SMIM22: variants seen among roughly 807,000 people sequenced by gnomAD.
SMIM22 encodes the protein small integral membrane protein 22, also known as cancer associated small integral membrane open reading frame 1.
SMIM22 carries 16 observed loss-of-function variants against 8.4 expected under a neutral mutation model. The observed-to-expected ratio is 1.90, with a 90% CI of 1.29 to 2.89. The LOEUF (loss-of-function observed/expected upper bound fraction) is 2.89. Among genes scored for constraint, SMIM22 ranks in the 30% most tolerant of loss-of-function variants. SMIM22 has a pLI of 0.00. For missense variants in SMIM22, 159 were observed against 107.5 expected (o/e 1.48, Z -2.12); for synonymous variants, 67 against 47.6 (o/e 1.41, Z -1.68).
upstream of SMIM22, among the ~76,000 whole-genome samples, chr16:4,791,429 A>T (rs1283601469): frequency 1.3e-5 from 2 of 152,110 alleles, no homozygotes; most frequent in Admixed American, 1.3e-4. Context: ...TCATGCTTCG[A>T]CGGCTCTGAC....
upstream of SMIM22, among the ~76,000 whole-genome samples, chr16:4,793,162 G>C (rs556964078): frequency 6.6e-5 from 10 of 150,820 alleles, no homozygotes; most frequent in African/African-American, 2.4e-4. Context: ...CAGAGGAGGA[G>C]ACGTGAGCCT....
intron 2 of SMIM22, among the ~76,000 whole-genome samples, chr16:4,790,351 C>A (rs751630839): frequency 1.5e-4 from 23 of 152,274 alleles, no homozygotes; most frequent in Middle Eastern, 3.4e-3. Context: ...TAAGTAAAAC[C>A]GTATTCACAG....
chr16:4,790,491 C>A (rs1269804533), upstream of SMIM22, among the ~76,000 whole-genome samples: 1 of 152,146 alleles, frequency 6.6e-6, no homozygotes, highest in African/African-American at 2.4e-5. Context: ...ACCTTAAAGG[C>A]TTAGAGGCTA....
upstream of SMIM22, among the ~76,000 whole-genome samples, chr16:4,791,980 C>T (rs2082557754): frequency 6.6e-6 from 1 of 152,138 alleles, no homozygotes; most frequent in Non-Finnish European, 1.5e-5. Flanking sequence ...AGCCACCGCG[C>T]CTGGCCTGAC....
rs1216334953 is a variant in SMIM22, at chr16:4,795,984, ACTG to A, written c.172_174del (p.Cys58del). The A allele has an allele frequency of 4.0e-6, 6 of 1,506,192 alleles. No individual in the cohort carries two copies. Among genetic ancestry groups the A allele is most frequent in the South Asian group, 1.3e-5 (1 of 78,684 alleles). The allele number at this position is 1,506,192 out of a possible 1,614,324, so 93.3% of individuals were successfully genotyped here. On this transcript the variant is annotated inframe_deletion, in exon 3 of 4. Transcript: ENST00000586005. ...CTCCTGCTGCTGCTGGTCGTCGCCC[ACTG>A]CTGCTGCTGCAGCTCCCCCGGGCCC...
chr16:4,789,487 G>A lies in SMIM22; in HGVS notation c.-146+716G>A, dbSNP rs1245536555. Among the ~76,000 whole-genome samples, 12 of 151,972 alleles carry A rather than the reference G, an allele frequency of 7.9e-5. No individual in the cohort carries two copies. In the South Asian group the frequency reaches 2.1e-3, roughly 26 times the overall value. On this transcript the variant is annotated intron_variant, in intron 2 of 5. Transcript: ENST00000589327. ...ACTACAGGCGCCTGCCACCACGCCC[G>A]GCTAATTTTTTCCTATTTTTAGTAG...
chr16:4,794,004 T>C (rs2082594674), upstream of SMIM22, among the ~76,000 whole-genome samples: 2 of 152,032 alleles, frequency 1.3e-5, no homozygotes, highest in Admixed American at 6.6e-5. Context: ...GACATGATCT[T>C]GGCTCACTAC....
chr16:4,795,596 G>A (rs1439151132), intron 1 of SMIM22, 119 bp from the exon 2 acceptor site: 3 of 1,238,236 alleles, frequency 2.4e-6, no homozygotes, highest in Non-Finnish European at 3.3e-6. Flanking sequence ...GAGTGGGAGG[G>A]GGTGGGGAAG....
At position 4,796,419 on chromosome 16, in the gene SMIM22, G is replaced by A. The variant is rs969921298; in HGVS notation, c.*188G>A. ...AGGTCATCCTCAGTCACCTAGCTGGGAGGGGAGCTGGTCTCAGGCCGGGCG... is the reference window on the plus strand; with the variant it reads ...AGGTCATCCTCAGTCACCTAGCTGGAAGGGGAGCTGGTCTCAGGCCGGGCG... On this transcript the variant is annotated 3_prime_UTR_variant, in exon 4 of 4. Coordinates refer to ENST00000586005, the MANE Select transcript of SMIM22 (RefSeq NM_001253794.2). 1.5e-6 allele frequency: 1 copy of A among 688,488 alleles called. No homozygotes were observed. Among genetic ancestry groups the A allele is most frequent in the Admixed American group, 2.9e-5 (1 of 34,782 alleles). 42.6% of individuals were successfully genotyped at this position (688,488 alleles called of 1,614,324 possible).
At chr16:4,795,907 T>TCCAGGTTGGGGCCACACCTGGACG (rs1184926625) in intron 2 of SMIM22, 41 bp from the exon 3 acceptor site, 3 of 1,530,014 alleles carry the variant, frequency 2.0e-6, no homozygotes, top group Non-Finnish European at 1.7e-6. Flanking sequence ...TGCCCTGGGC[T>TCCAGGTTGGGGCCACACCTGGACG]CCAGGTTGGG....
upstream of SMIM22, among the ~76,000 whole-genome samples, chr16:4,794,612 G>A (rs1356244497): frequency 6.6e-6 from 1 of 152,028 alleles, no homozygotes; most frequent in East Asian, 1.9e-4. Context: ...TAGAGACATG[G>A]TTTCTCCACG....
In SMIM22 at chr16:4,795,562, G is replaced by A. The variant is rs1319211396; in HGVS notation, c.-21+113G>A. ...ACAGGGCTGGGCAAGGAGAGAAGCT[G>A]GGCCTGGGGCCGAGGGAGAAGTGGA... On this transcript the variant is annotated intron_variant, in intron 1 of 3. Transcript: ENST00000586005. 1.5e-5 allele frequency: 14 copies of A among 921,662 alleles called. No individual in the cohort carries two copies. The Admixed American group carries it at 3.7e-4, about 25-fold the overall frequency. The allele number at this position is 921,662 out of a possible 1,614,324, so 57.1% of individuals were successfully genotyped here. A position where few individuals can be genotyped will look rare whatever the true frequency, so the allele number is the denominator to read the frequency against.
At position 4,795,955 on chromosome 16, in the gene SMIM22, G is replaced by T; in HGVS notation, c.132G>T (p.Val44=). ...FIVFLTFMGT[V]LLLLLLVVAH... ...CGCCTGTCCTGTCCCCAGGCACCGTGCTGCTCCTGCTGCTGCTGGTCGTCG... is the reference window on the plus strand; with the variant it reads ...CGCCTGTCCTGTCCCCAGGCACCGTTCTGCTCCTGCTGCTGCTGGTCGTCG... Residue 44 remains valine (V), a synonymous_variant, in exon 3 of 4, where the codon GTG becomes GTT. Transcript: ENST00000586005. 6.6e-7 allele frequency: 1 copy of T among 1,505,648 alleles called. No individual in the cohort carries two copies. The allele number at this position is 1,505,648 out of a possible 1,614,324, so 93.3% of individuals were successfully genotyped here.
chr16:4,790,477 C>G (rs2082535102), upstream of SMIM22, among the ~76,000 whole-genome samples: 2 of 152,144 alleles, frequency 1.3e-5, no homozygotes, highest in Admixed American at 1.3e-4. Context: ...TTCCTGGAGG[C>G]TTAACCTTAA....
chr16:4,795,567 TG>T, intron 1 of SMIM22, 118 bp downstream of exon 1: 1 of 932,928 alleles, frequency 1.1e-6, no homozygotes, highest in Non-Finnish European at 1.5e-6. Context: ...AAGCTGGGCC[TG>T]GGGCCGAGGG....
upstream of SMIM22, among the ~76,000 whole-genome samples, chr16:4,790,975 C>G (rs2141890681): frequency 6.6e-6 from 1 of 152,292 alleles, no homozygotes; most frequent in East Asian, 1.9e-4. Flanking sequence ...GCACGGGGGC[C>G]TCTCCCATAA....
upstream of SMIM22, chr16:4,795,053 C>G (rs1384589623): frequency 6.6e-6 from 1 of 152,614 alleles, no homozygotes; most frequent in African/African-American, 2.4e-5. Context: ...CCTGTCCTAG[C>G]TGCTCAAGGG....
chr16:4,789,753 C>G (rs992329996), intron 2 of SMIM22, among the ~76,000 whole-genome samples: 3 of 152,068 alleles, frequency 2.0e-5, no homozygotes, highest in African/African-American at 7.2e-5. Context: ...ACCACCATGC[C>G]CAGCCTGATA....
At chr16:4,792,664 T>C (rs1254942207), upstream of SMIM22, among the ~76,000 whole-genome samples, 1 of 148,862 alleles carries the variant, frequency 6.7e-6, no homozygotes, top group Non-Finnish European at 1.5e-5. Context: ...CAGCTGGGTG[T>C]GGTGGTGCAC....
Sources: allele counts gnomAD v4.1 joint callset (sites outside exome capture counted in the v4.1 genomes callset), GRCh38; gene constraint gnomAD v4.1.1; transcripts MANE v1.5; gene names NCBI Gene and HGNC (gene_info 2026-07-23, HGNC 2026-07-21).